DOCK5: variants seen among roughly 807,000 people sequenced by gnomAD.
The protein encoded by DOCK5 is dedicator of cytokinesis 5, also known as dedicator of cytokinesis protein 5.
Under a neutral mutation model 251.8 loss-of-function variants are expected in DOCK5, and 142 were observed. The observed-to-expected ratio is 0.56, with a 90% CI of 0.49 to 0.65. DOCK5 has a LOEUF of 0.65. Ranked by LOEUF, DOCK5 falls within the 30% of genes least tolerant of loss-of-function variation. The pLI is 0.00. For synonymous variants in DOCK5, 842 were observed against 835.5 expected, an observed-to-expected ratio of 1.01 and a Z score of -0.13; for missense variants, 2,111 against 2,312.3, an observed-to-expected ratio of 0.91 and a Z score of 1.79.
At chr8:25,290,444 G>A (rs1249380447) in intron 5 of DOCK5, among the ~76,000 whole-genome samples, 4 of 152,220 alleles carry the variant, frequency 2.6e-5, no homozygotes, top group African/African-American at 4.8e-5. Context: ...GATGGCTTAG[G>A]TGTCAAGTAT....
chr8:25,322,158 G>C (rs766054522), intron 16 of DOCK5, among the ~76,000 whole-genome samples: 24 of 152,276 alleles, frequency 1.6e-4, no homozygotes, highest in Non-Finnish European at 2.9e-4. Flanking sequence ...TACACAACAG[G>C]CTGCAGGCGA....
At chr8:25,387,468 C>T (rs1196808128) in intron 40 of DOCK5, among the ~76,000 whole-genome samples, 1 of 152,208 alleles carries the variant, frequency 6.6e-6, no homozygotes, top group African/African-American at 2.4e-5. Flanking sequence ...AAGAAGCAAA[C>T]ACTGAATGCT....
chr8:25,228,583 A>T (rs547794327), intron 1 of DOCK5, among the ~76,000 whole-genome samples: 1 of 152,334 alleles, frequency 6.6e-6, no homozygotes, highest in East Asian at 1.9e-4. Flanking sequence ...AATTTCTAGA[A>T]AAAGGATTGT....
intron 36 of DOCK5, 28 bp downstream of exon 36, chr8:25,373,686 G>A (rs773093317): frequency 6.4e-7 from 1 of 1,569,718 alleles, no homozygotes; most frequent in Non-Finnish European, 8.6e-7. Context: ...TCTTGCTTCT[G>A]CTGTTTATTT....
chr8:25,311,536 T>C (rs1586318358), intron 13 of DOCK5, among the ~76,000 whole-genome samples: 1 of 131,066 alleles, frequency 7.6e-6, no homozygotes, highest in Non-Finnish European at 1.6e-5. Context: ...AGAGCAAAAC[T>C]CTGTCTCAAA....
intron 5 of DOCK5, among the ~76,000 whole-genome samples, chr8:25,283,541 A>T (rs1301940606): frequency 6.6e-6 from 1 of 152,202 alleles, no homozygotes; most frequent in Non-Finnish European, 1.5e-5. Context: ...GACTCCGCCA[A>T]TGGGAGCATG....
chr8:25,242,925 G>A (rs936872044), intron 1 of DOCK5, among the ~76,000 whole-genome samples: 1 of 152,192 alleles, frequency 6.6e-6, no homozygotes, highest in Non-Finnish European at 1.5e-5. Context: ...GACATGGCTC[G>A]CCTGTGTACT....
chr8:25,215,972 C>T (rs940238739), intron 1 of DOCK5, among the ~76,000 whole-genome samples: 4 of 142,344 alleles, frequency 2.8e-5, no homozygotes, highest in Admixed American at 1.4e-4. Context: ...CACACACACA[C>T]GTATACGATA....
intron 6 of DOCK5, among the ~76,000 whole-genome samples, chr8:25,294,340 G>A (rs936666467): frequency 6.6e-5 from 10 of 152,186 alleles, no homozygotes; most frequent in African/African-American, 2.4e-4. Flanking sequence ...TAGAGATGCT[G>A]TAAAACAGGG....
At chr8:25,331,198 A>G in intron 18 of DOCK5, among the ~76,000 whole-genome samples, 1 of 151,944 alleles carries the variant, frequency 6.6e-6, no homozygotes, top group Admixed American at 6.6e-5. Context: ...GTGATAATAC[A>G]GTAACAGTCC....
At chr8:25,345,650 C>G (rs780659395) in intron 26 of DOCK5, 39 bp downstream of exon 26, 1 of 1,609,148 alleles carries the variant, frequency 6.2e-7, no homozygotes, top group Non-Finnish European at 8.5e-7. Flanking sequence ...AGAGTTCACA[C>G]TGTCCCCTTT....
chr8:25,260,017 C>T lies in DOCK5; in HGVS notation c.128-8828C>T, dbSNP rs60035804. 4.9e-3 allele frequency among the ~76,000 whole-genome samples: 740 copies of T among 152,318 alleles called. 6 individuals are homozygous for T. Among genetic ancestry groups the T allele is most frequent in the African/African-American group, 0.017 (689 of 41,562 alleles). On this transcript the variant is annotated intron_variant, in intron 2 of 51. Transcript: ENST00000276440. ...TCTTGAGACCTGAGGCTCAGGAAGG[C>T]GGTGAGTGTGCTGTGCACAGGGAGA...
At chr8:25,264,375 A>G (rs950986180) in intron 2 of DOCK5, among the ~76,000 whole-genome samples, 1 of 151,452 alleles carries the variant, frequency 6.6e-6, no homozygotes, top group Non-Finnish European at 1.5e-5. Context: ...GCCACAAGAA[A>G]AAAACAACAA....
intron 40 of DOCK5, among the ~76,000 whole-genome samples, chr8:25,384,466 T>TATTTG (rs111515435): frequency 7.7e-6 from 1 of 129,990 alleles, no homozygotes; most frequent in Admixed American, 7.9e-5. Context: ...TTTATTTATT[T>TATTTG]TTTTTTTTTT....
intron 37 of DOCK5, chr8:25,376,427 T>C: frequency 5.3e-6 from 5 of 940,304 alleles, no homozygotes; most frequent in Non-Finnish European, 6.3e-6. Context: ...AGATTGTATA[T>C]GCTTTTACGT....
intron 29 of DOCK5, 38 bp from the exon 30 acceptor site, chr8:25,364,588 T>A: frequency 3.4e-6 from 5 of 1,477,974 alleles, no homozygotes; most frequent in Non-Finnish European, 4.7e-6. Context: ...TCAAAGGACA[T>A]ACAGTTGGCT....
intron 2 of DOCK5, among the ~76,000 whole-genome samples, chr8:25,245,950 C>T (rs1803092918): frequency 6.6e-6 from 1 of 152,152 alleles, no homozygotes; most frequent in South Asian, 2.1e-4. Context: ...ACTGTGTTAA[C>T]TCTTCCACCA....
At chr8:25,351,632 C>G (rs2117249794) in intron 26 of DOCK5, 99 bp from the exon 27 acceptor site, 1 of 882,178 alleles carries the variant, frequency 1.1e-6, no homozygotes, top group Non-Finnish European at 1.8e-6. Context: ...AGGGAAAAGC[C>G]AAAAAGAGAT....
intron 21 of DOCK5, 134 bp downstream of exon 21, chr8:25,334,330 G>A: frequency 1.4e-6 from 1 of 705,680 alleles, no homozygotes; most frequent in South Asian, 1.8e-5. Context: ...CTTATTCTAA[G>A]CTTCCGGGTG....
Sources: allele counts gnomAD v4.1 joint callset (sites outside exome capture counted in the v4.1 genomes callset), GRCh38; gene constraint gnomAD v4.1.1; transcripts MANE v1.5; gene names NCBI Gene and HGNC (gene_info 2026-07-23, HGNC 2026-07-21).